Variants in ABCB9 observed in about 807,000 individuals in gnomAD.
ABCB9 encodes ABC-type oligopeptide transporter ABCB9.
In ABCB9, 36 loss-of-function variants were observed where a neutral mutation model predicts 62.0. The ratio of observed to expected loss-of-function variants is 0.58; its 90% CI spans 0.45 to 0.77. ABCB9 has a LOEUF of 0.77. Ranked by LOEUF, ABCB9 falls within the 30% of genes least tolerant of loss-of-function variation. ABCB9 has a pLI of 0.00. For missense variants in ABCB9, 943 were observed against 1,054.7 expected, an observed-to-expected ratio of 0.89 and a Z score of 1.47; for synonymous variants, 435 against 461.4, an observed-to-expected ratio of 0.94 and a Z score of 0.73.
At position 122,930,112 on chromosome 12, in the gene ABCB9, C is replaced by A. The variant is rs763925609; in HGVS notation, c.2100G>T (p.Arg700=). The A allele has an allele frequency of 1.9e-6, 3 of 1,555,866 alleles. No individual in the cohort carries two copies. In the Admixed American group the frequency reaches 5.8e-5, roughly 30 times the overall value. ...QKHTVLIIAH[R]LSTVEHAHLI... is the part of the protein sequence containing the mutation. The stretch of plus-strand genomic sequence containing the variant: ...GGTGCGCGTGCTCCACGGTGCTCAG[C>A]CGGTGCGCGATGATGAGTACCGTGT... Residue 700 remains arginine, a synonymous_variant, in exon 12 of 12, where the codon CGG becomes CGT. Coordinates refer to ENST00000280560, the MANE Select transcript of ABCB9 (RefSeq NM_019625.4). This position sits in a 1 kb window ranked among gnomAD's most constrained non-coding sequence, Gnocchi z 4.9.
At chr12:122,969,178 C>A (rs1188613033), upstream of ABCB9, among the ~76,000 whole-genome samples, 1 of 9,012 alleles carries the variant, frequency 1.1e-4, no homozygotes, top group Non-Finnish European at 5.5e-4. Context: ...CTTTCCACCC[C>A]CCCCCCCCCC....
At chr12:122,931,680 G>A in intron 11 of ABCB9, 1 of 161,310 alleles carries the variant, frequency 6.2e-6, no homozygotes, top group Non-Finnish European at 1.4e-5. Context: ...GTCTGGCTCT[G>A]TCGCCCAGGC....
intron 10 of ABCB9, among the ~76,000 whole-genome samples, chr12:122,933,532 C>T (rs558088829): frequency 2.0e-5 from 3 of 150,654 alleles, no homozygotes; most frequent in Admixed American, 1.3e-4. Flanking sequence ...CCAGCCTGGG[C>T]GACAGAGCGA....
Position 122,944,579 on chromosome 12 carries a change from T to A in ABCB9, c.1252-60A>T, listed in dbSNP as rs1272459523. ...GACCTTAGATCCCCCACCATCCCCA[T>A]TCCCTGACCCATCCCAGGCTGCAGG... is the stretch of plus-strand genomic sequence containing the variant. On this transcript the variant is annotated intron_variant, in intron 6 of 11. Coordinates refer to ENST00000280560, the MANE Select transcript of ABCB9 (RefSeq NM_019625.4). The surrounding 1 kb of genome is among the most constrained non-coding windows in gnomAD (Gnocchi z 4.9). 6.3e-7 allele frequency: 1 copy of A among 1,591,828 alleles called. No individual in the cohort carries two copies. Among genetic ancestry groups the A allele is most frequent in the Non-Finnish European group, 8.6e-7 (1 of 1,167,204 alleles).
intron 1 of ABCB9, among the ~76,000 whole-genome samples, chr12:122,973,974 G>T (rs1056424114): frequency 3.9e-5 from 6 of 152,258 alleles, no homozygotes; most frequent in African/African-American, 1.4e-4. Context: ...GAATCCGGGA[G>T]GCAGAGGTTG....
At chr12:122,924,867 A>G, downstream of ABCB9, 1 of 1,526,808 alleles carries the variant, frequency 6.5e-7, no homozygotes, top group Non-Finnish European at 8.8e-7. Flanking sequence ...AACAGAAAAA[A>G]GTCAGCTTTA....
intron 1 of ABCB9, among the ~76,000 whole-genome samples, chr12:122,963,762 C>T (rs1451283756): frequency 6.6e-6 from 1 of 152,172 alleles, no homozygotes; most frequent in Non-Finnish European, 1.5e-5. Flanking sequence ...TGCTTTCACC[C>T]CCACACCTCC....
At chr12:122,973,604 A>AAAAAAAAAAAAC (rs1566206763) in intron 1 of ABCB9, among the ~76,000 whole-genome samples, 2 of 142,396 alleles carry the variant, frequency 1.4e-5, no homozygotes, top group African/African-American at 2.6e-5. Flanking sequence ...AAAAAAAAAA[A>AAAAAAAAAAAAC]AAAAACAAAA....
At chr12:122,939,009 T>C (rs1383141706) in intron 9 of ABCB9, among the ~76,000 whole-genome samples, 1 of 151,612 alleles carries the variant, frequency 6.6e-6, no homozygotes, top group African/African-American at 2.4e-5. Flanking sequence ...CTGTCTGTAC[T>C]AAAAATACAA....
At position 122,953,432 on chromosome 12, in the gene ABCB9, G is replaced by A. The variant is rs186996375; in HGVS notation, c.602-2867C>T. Among the ~76,000 whole-genome samples, 9 of 152,236 alleles carry A rather than the reference G, an allele frequency of 5.9e-5. No homozygotes were observed. In the East Asian group the frequency reaches 1.7e-3, roughly 29 times the overall value. ...AGATGGAGTCGCACTCCGTCGCCCA[G>A]GCTGGAGTGTATTGGCACGATTTCA... On this transcript the variant is annotated intron_variant, in intron 2 of 11. Transcript: ENST00000280560.
chr12:122,948,896 T>A, intron 4 of ABCB9, 67 bp from the exon 5 acceptor site: 1 of 1,315,792 alleles, frequency 7.6e-7, no homozygotes. Context: ...TGGGGGATGC[T>A]AAGGGGCCTC....
At position 122,931,696 on chromosome 12, in the gene ABCB9, T is replaced by G. The variant is rs564210881; in HGVS notation, c.2040+496A>C. 1.8e-5 allele frequency: 3 copies of G among 166,504 alleles called. No homozygotes were observed. The East Asian group carries it at 5.2e-4, about 29-fold the overall frequency. 10.3% of individuals were successfully genotyped at this position (166,504 alleles called of 1,614,324 possible). A position where few individuals can be genotyped will look rare whatever the true frequency, so the allele number is the denominator to read the frequency against. ...TCTGGCTCTGTCGCCCAGGCTGGAG[T>G]GCAGTGGCACAATCTCGGCTGACTG... On this transcript the variant is annotated intron_variant, in intron 11 of 11. Transcript: ENST00000280560.
rs1293279207 is a variant in ABCB9 at position 122,948,834 on chromosome 12, A to G, written c.848-5T>C. ...TCAGGCGGGAGATGAGGTCCCCTGGAACACACGCGGCTCAGCTCTCACCAC... is the reference window on the plus strand; with the variant it reads ...TCAGGCGGGAGATGAGGTCCCCTGGGACACACGCGGCTCAGCTCTCACCAC... On this transcript the variant is annotated splice_polypyrimidine_tract_variant and splice_region_variant and intron_variant, in intron 4 of 11. Transcript: ENST00000280560. 2 of 1,547,528 alleles carry G rather than the reference A, an allele frequency of 1.3e-6. No homozygotes were observed. The highest frequency in any genetic ancestry group is 2.8e-5 in the African/African-American group (2 of 72,460).
rs995651033 is a variant in ABCB9, at chr12:122,964,945, G to A, written c.-88+1342C>T. Among the ~76,000 whole-genome samples, 4 of 152,194 alleles carry A rather than the reference G, an allele frequency of 2.6e-5. No individual in the cohort carries two copies. The highest frequency in any genetic ancestry group is 4.4e-5 in the Non-Finnish European group (3 of 68,024). On this transcript the variant is annotated intron_variant, in intron 1 of 11. Coordinates refer to ENST00000280560, the MANE Select transcript of ABCB9 (RefSeq NM_019625.4). This position sits in a 1 kb window ranked among gnomAD's most constrained non-coding sequence, Gnocchi z 4.7. ...TCTCTAGGCATCAGCTGCAGAGAAGGCCAGAAGACGATAGATAGCAGTTAT... is the reference window on the plus strand; with the variant it reads ...TCTCTAGGCATCAGCTGCAGAGAAGACCAGAAGACGATAGATAGCAGTTAT...
chr12:122,919,295 C>T (rs1027885779), downstream of ABCB9, among the ~76,000 whole-genome samples: 8 of 152,172 alleles, frequency 5.3e-5, no homozygotes, highest in African/African-American at 1.4e-4. Context: ...GCCTCAGCCA[C>T]ACAAGTAGCT....
chr12:122,959,008 T>C lies in ABCB9; in HGVS notation c.601+627A>G, dbSNP rs1368033542. On this transcript the variant is annotated intron_variant, in intron 2 of 11. Transcript: ENST00000280560. The surrounding 1 kb of genome is among the most constrained non-coding windows in gnomAD (Gnocchi z 5.4). The stretch of plus-strand genomic sequence containing the variant: ...CCTTGGCCTCCCAAAGTGCTGGGAT[T>C]ACAGGCGTGAGCCACCGCGCCTGGC... 6.7e-6 allele frequency among the ~76,000 whole-genome samples: 1 copy of C among 149,776 alleles called. No individual in the cohort carries two copies. The highest frequency in any genetic ancestry group is 1.5e-5 in the Non-Finnish European group (1 of 67,492).
chr12:122,950,499 T>C lies in ABCB9; in HGVS notation c.668A>G (p.Asp223Gly). The part of the protein sequence containing the change: ...IDGIVIQKSM[D>G]QFSTAVVIVC... ...GATGACGACAGCCGTGCTGAACTGA[T>C]CCATGCTTTTCTGGATGACGATGCC... Residue 223 changes from aspartate to glycine, a missense_variant, in exon 3 of 12, where the codon GAT becomes GGT. Physicochemically the swap from Asp to Gly is moderately conservative, Grantham distance 94. Coordinates refer to ENST00000280560, the MANE Select transcript of ABCB9 (RefSeq NM_019625.4). The C allele has an allele frequency of 6.2e-7, 1 of 1,613,348 alleles. No individual in the cohort carries two copies. Among genetic ancestry groups the C allele is most frequent in the Non-Finnish European group, 8.5e-7 (1 of 1,179,976 alleles).
chr12:122,932,458 T>A lies in ABCB9; in HGVS notation c.1904-130A>T. On this transcript the variant is annotated intron_variant, in intron 10 of 11. Coordinates refer to ENST00000280560, the MANE Select transcript of ABCB9 (RefSeq NM_019625.4). This position sits in a 1 kb window ranked among gnomAD's most constrained non-coding sequence, Gnocchi z 4.7. Reference sequence around the variant, plus strand: ...ACCCACAACTTGAAAGCTCATGAAATGATGTTCCCCCCACCCAACTCATAA... The same window carrying A: ...ACCCACAACTTGAAAGCTCATGAAAAGATGTTCCCCCCACCCAACTCATAA... 1.6e-6 allele frequency: 2 copies of A among 1,252,238 alleles called. No individual in the cohort carries two copies. The highest frequency in any genetic ancestry group is 2.8e-5 in the Admixed American group (1 of 35,276). 77.6% of individuals were successfully genotyped at this position (1,252,238 alleles called of 1,614,324 possible). A position where few individuals can be genotyped will look rare whatever the true frequency, so the allele number is the denominator to read the frequency against.
At position 122,947,554 on chromosome 12, in the gene ABCB9, G is replaced by A. The variant is rs2036110856; in HGVS notation, c.1053+1070C>T. 4 of 438,530 alleles carry A rather than the reference G, an allele frequency of 9.1e-6. No homozygotes were observed. Among genetic ancestry groups the A allele is most frequent in the Admixed American group, 2.4e-5 (1 of 41,102 alleles). 27.2% of individuals were successfully genotyped at this position (438,530 alleles called of 1,614,324 possible). ...CACGTGGGCCTGGGTGACTGTGAGG[G>A]GGTTGCCTGTACCTGTCACAGGGTC... On this transcript the variant is annotated intron_variant, in intron 5 of 11. Transcript: ENST00000280560. This position sits in a 1 kb window ranked among gnomAD's most constrained non-coding sequence, Gnocchi z 6.0.
Sources: allele counts gnomAD v4.1 joint callset (sites outside exome capture counted in the v4.1 genomes callset), GRCh38; gene constraint gnomAD v4.1.1; non-coding constraint Gnocchi (gnomAD v3.1); transcripts MANE v1.5; gene names NCBI Gene and HGNC (gene_info 2026-07-23, HGNC 2026-07-21).